The following PCDHGB1 variants were observed in gnomAD, a reference collection of about 807,000 sequenced individuals.
PCDHGB1 encodes protocadherin gamma-B1.
A neutral mutation model predicts 56.6 loss-of-function variants in PCDHGB1; 34 were observed. The observed-to-expected ratio is 0.60, with a 90% CI of 0.46 to 0.80. PCDHGB1 has a LOEUF of 0.80. PCDHGB1 is among the 30% of genes least tolerant of loss of function. The pLI is 0.00. For missense variants in PCDHGB1, 1,278 were observed against 1,204.6 expected (o/e 1.06, Z -0.90); for synonymous variants, 561 against 505.9 (o/e 1.11, Z -1.46).
In PCDHGB1 at chr5:141,408,945, G is replaced by A. The variant is rs1176579339; in HGVS notation, c.2409+56276G>A. 21 of 1,613,590 alleles carry A rather than the reference G, an allele frequency of 1.3e-5. No individual in the cohort carries two copies. In the East Asian group the frequency reaches 4.7e-4, roughly 36 times the overall value. Reference sequence around the variant, plus strand: ...CCGGTTTTCAGCAGAGACGAATATAGAATTAGTCTTAGTGAAAATCTGCCC... The same window carrying A: ...CCGGTTTTCAGCAGAGACGAATATAAAATTAGTCTTAGTGAAAATCTGCCC... On this transcript the variant is annotated intron_variant, in intron 1 of 3. Coordinates refer to ENST00000523390, the MANE Select transcript of PCDHGB1 (RefSeq NM_018922.3).
Position 141,399,482 on chromosome 5 carries a change from C to T in PCDHGB1, c.2409+46813C>T, listed in dbSNP as rs559370708. 8.1e-6 allele frequency: 13 copies of T among 1,613,934 alleles called. No individual in the cohort carries two copies. In the South Asian group the frequency reaches 1.3e-4, roughly 16 times the overall value. ...AACGCTCCGGTTTTCCACCAGGCGT[C>T]CTACTTAGTCAGTGTACCCGAAAAC... On this transcript the variant is annotated intron_variant, in intron 1 of 3. Coordinates refer to ENST00000523390, the MANE Select transcript of PCDHGB1 (RefSeq NM_018922.3).
chr5:141,419,119 C>T lies in PCDHGB1; in HGVS notation c.2409+66450C>T. 2.5e-6 allele frequency: 4 copies of T among 1,613,896 alleles called. No individual in the cohort carries two copies. The South Asian group carries it at 3.3e-5, about 13-fold the overall frequency. Reference sequence around the variant, plus strand: ...GGGAGCAGACCCCAGAGTACAACGTCACCATCGCAGCCACAGACAGGGGCA... The same window carrying T: ...GGGAGCAGACCCCAGAGTACAACGTTACCATCGCAGCCACAGACAGGGGCA... On this transcript the variant is annotated intron_variant, in intron 1 of 3. Coordinates refer to ENST00000523390, the MANE Select transcript of PCDHGB1 (RefSeq NM_018922.3).
chr5:141,477,951 G>T lies in PCDHGB1; in HGVS notation c.2410-16856G>T. 3 of 1,614,120 alleles carry T rather than the reference G, an allele frequency of 1.9e-6. No homozygotes were observed. The highest frequency in any genetic ancestry group is 2.5e-6 in the Non-Finnish European group (3 of 1,180,024). Reference sequence around the variant, plus strand: ...GCCTGGCTCTCCTACAGTCTCTTGGGATCCCCTAACCAGAGCCTTTTTGCC... The same window carrying T: ...GCCTGGCTCTCCTACAGTCTCTTGGTATCCCCTAACCAGAGCCTTTTTGCC... On this transcript the variant is annotated intron_variant, in intron 1 of 3. Transcript: ENST00000523390. The surrounding 1 kb of genome is among the most constrained non-coding windows in gnomAD (Gnocchi z 4.9).
chr5:141,373,326 G>A (rs1419997594), intron 1 of PCDHGB1, among the ~76,000 whole-genome samples: 3 of 152,172 alleles, frequency 2.0e-5, no homozygotes, highest in East Asian at 3.8e-4. Context: ...AGAAATAATG[G>A]CATCTAAAAT....
At position 141,490,207 on chromosome 5, in the gene PCDHGB1, C is replaced by T. The variant is rs142098675; in HGVS notation, c.2410-4600C>T. On this transcript the variant is annotated intron_variant, in intron 1 of 3. Transcript: ENST00000523390. This position sits in a 1 kb window ranked among gnomAD's most constrained non-coding sequence, Gnocchi z 5.4. ...TTTCTATGAAATTCATGCAAGAGCC[C>T]GTGACCAGGGACAGCCTGCCATGGA... 41 of 1,614,056 alleles carry T rather than the reference C, an allele frequency of 2.5e-5. No homozygotes were observed. The highest frequency in any genetic ancestry group is 3.3e-4 in the Middle Eastern group (2 of 6,084).
At position 141,410,204 on chromosome 5, in the gene PCDHGB1, T is replaced by C. The variant is rs1212919717; in HGVS notation, c.2409+57535T>C. 11 of 1,613,954 alleles carry C rather than the reference T, an allele frequency of 6.8e-6. No homozygotes were observed. In the South Asian group the frequency reaches 9.9e-5, roughly 14 times the overall value. Reference sequence around the variant, plus strand: ...GCTTCATCTGGTCTTCGCAGACAACTTGCAAGAGATACTGCCAGACCTCAG... The same window carrying C: ...GCTTCATCTGGTCTTCGCAGACAACCTGCAAGAGATACTGCCAGACCTCAG... On this transcript the variant is annotated intron_variant, in intron 1 of 3. Transcript: ENST00000523390.
At chr5:141,502,139 C>G (rs923501238) in intron 2 of PCDHGB1, among the ~76,000 whole-genome samples, 1 of 152,104 alleles carries the variant, frequency 6.6e-6, no homozygotes, top group Non-Finnish European at 1.5e-5. Flanking sequence ...TCAGTCGGGC[C>G]GGAAGTAAGG....
chr5:141,395,819 T>A (rs2093315125), intron 1 of PCDHGB1: 1 of 152,210 alleles, frequency 6.6e-6, no homozygotes, highest in Admixed American at 6.5e-5. Context: ...ATGAACAAAC[T>A]TTAAAGATGG....
chr5:141,418,945 A>G, intron 1 of PCDHGB1: 3 of 1,614,062 alleles, frequency 1.9e-6, no homozygotes, highest in Non-Finnish European at 2.5e-6. Flanking sequence ...ATTCCCCTCC[A>G]GGAGTGGTTG....
chr5:141,350,796 C>G lies in PCDHGB1; in HGVS notation c.536C>G (p.Thr179Arg). The change falls in exon 1 of 4, where the codon ACG becomes AGG. Residue 179 changes from threonine to arginine, a missense_variant. Physicochemically the swap from Thr to Arg is moderately conservative, Grantham distance 71 (BLOSUM62 -1). Coordinates refer to ENST00000523390, the MANE Select transcript of PCDHGB1 (RefSeq NM_018922.3). ...CCCAATCAATACTTCTCTCTGTCAA[C>G]GAAGGAAAGTCCTGATGGAAGTAAA... Reference protein sequence around the residue: ...INPNQYFSLSTKESPDGSKYP... With the variant: ...INPNQYFSLSRKESPDGSKYP... The G allele has an allele frequency of 1.2e-6, 2 of 1,613,966 alleles. No individual in the cohort carries two copies. The highest frequency in any genetic ancestry group is 3.3e-4 in the Middle Eastern group (2 of 6,062).
Position 141,427,133 on chromosome 5 carries a change from A to AGAT in PCDHGB1, c.2410-67670_2410-67668dup, listed in dbSNP as rs370316028. 2.9e-4 allele frequency: 134 copies of AGAT among 457,190 alleles called. 1 individual carries two copies. The highest frequency in any genetic ancestry group is 2.4e-3 in the African/African-American group (123 of 50,216). The allele number at this position is 457,190 out of a possible 1,614,324, so 28.3% of individuals were successfully genotyped here. On this transcript the variant is annotated intron_variant, in intron 1 of 3. Transcript: ENST00000523390. ...TCACCTACTCTTTCAAATCCCTACG[A>AGAT]GATGATATTGGAAATATGTTTGTGC...
intron 2 of PCDHGB1, among the ~76,000 whole-genome samples, chr5:141,501,526 G>A (rs2099809738): frequency 6.6e-6 from 1 of 151,962 alleles, no homozygotes; most frequent in Non-Finnish European, 1.5e-5. Context: ...CTGAAGCCCA[G>A]TACGTTGTTG....
intron 1 of PCDHGB1, among the ~76,000 whole-genome samples, chr5:141,481,309 T>C (rs577046585): frequency 2.6e-4 from 39 of 152,310 alleles, no homozygotes; most frequent in African/African-American, 9.1e-4. Context: ...GGAAAAACCT[T>C]CCTAAAGCAC....
rs145569377 is a variant in PCDHGB1 at position 141,455,860 on chromosome 5, ATTATTTATTTATTTATTTATTTATTTAT to A, written c.2410-38920_2410-38893del. Among the ~76,000 whole-genome samples the A allele has an allele frequency of 5.0e-5, 7 of 139,848 alleles. No individual in the cohort carries two copies. The South Asian group carries it at 9.2e-4, about 18-fold the overall frequency. 91.7% of individuals were successfully genotyped at this position (139,848 alleles called of 152,430 possible). On this transcript the variant is annotated intron_variant, in intron 1 of 3. Transcript: ENST00000523390. ...CTATCTGCATAAAATAATTTCTTTT[ATTATTTATTTATTTATTTATTTATTTAT>A]TTATTTATTTATTTATTTATTTATT...
chr5:141,355,525 C>A, intron 1 of PCDHGB1: 3 of 1,614,028 alleles, frequency 1.9e-6, no homozygotes, highest in Non-Finnish European at 2.5e-6. Flanking sequence ...CCTGGAGATT[C>A]TTCTAGAAGA....
At chr5:141,484,468 C>T (rs2099596877) in intron 1 of PCDHGB1, among the ~76,000 whole-genome samples, 1 of 152,200 alleles carries the variant, frequency 6.6e-6, no homozygotes, top group South Asian at 2.1e-4. Context: ...ATGTGTAAGC[C>T]TTTTCTGCAA....
chr5:141,366,646 G>A (rs1219321287), intron 1 of PCDHGB1: 1 of 1,614,248 alleles, frequency 6.2e-7, no homozygotes, highest in Non-Finnish European at 8.5e-7. Flanking sequence ...TCTTTCCCCA[G>A]CCCAACTACG....
In PCDHGB1 at chr5:141,355,648, G is replaced by A. The variant is rs11575949; in HGVS notation, c.2409+2979G>A. The A allele has an allele frequency of 0.095, 152,832 of 1,613,828 alleles. 8,961 individuals carry two copies. Among genetic ancestry groups the A allele is most frequent in the African/African-American group, 0.29 (21,386 of 74,982 alleles). On this transcript the variant is annotated intron_variant, in intron 1 of 3. Transcript: ENST00000523390. ...AGTTGCTGAAAATGAAAATCCTGGG[G>A]CAAGATTTCCTCTTCCTGAAGCTTT... is the stretch of plus-strand genomic sequence containing the variant.
chr5:141,447,161 C>T (rs1432238455), intron 1 of PCDHGB1, among the ~76,000 whole-genome samples: 1 of 151,728 alleles, frequency 6.6e-6, no homozygotes, highest in East Asian at 1.9e-4. Flanking sequence ...TTTGTTTAAG[C>T]GGGGTCTTGC....
Sources: gnomAD v4.1 joint callset for allele counts (sites outside exome capture counted in the v4.1 genomes callset) on GRCh38, gnomAD v4.1.1 for gene constraint, Gnocchi (gnomAD v3.1) non-coding constraint, MANE v1.5 for transcripts, NCBI Gene and HGNC (gene_info 2026-07-23, HGNC 2026-07-21) for gene names.